The following RBFOX1 variants were observed in gnomAD, a reference collection of about 807,000 sequenced individuals.
RBFOX1 encodes RNA binding protein fox-1 homolog 1.
Under a neutral mutation model 57.7 loss-of-function variants are expected in RBFOX1, and 8 were observed. The observed-to-expected ratio is 0.14, with a 90% CI of 0.08 to 0.25. The LOEUF (loss-of-function observed/expected upper bound fraction) is 0.25, where lower values mean the gene tolerates loss of function less well. Among genes scored for constraint, RBFOX1 ranks in the 10% least tolerant of loss-of-function variants. The pLI is 1.00. For synonymous variants in RBFOX1, 326 were observed against 222.4 expected (o/e 1.47, Z -4.15); for missense variants, 611 against 548.5 (o/e 1.11, Z -1.14).
chr16:5,324,790 A>G (rs1465806176), intron 1 of RBFOX1, among the ~76,000 whole-genome samples: 6 of 152,192 alleles, frequency 3.9e-5, no homozygotes, highest in African/African-American at 1.2e-4. Context: ...AACAACTGAC[A>G]TTGGGGCCTC....
At chr16:6,487,480 T>G (rs2095510464) in intron 2 of RBFOX1, among the ~76,000 whole-genome samples, 1 of 151,528 alleles carries the variant, frequency 6.6e-6, no homozygotes, top group Non-Finnish European at 1.5e-5. Flanking sequence ...AATTTTGTGC[T>G]TGCAAGTTCT....
chr16:5,775,722 C>G (rs886217641), intron 3 of RBFOX1, among the ~76,000 whole-genome samples: 2 of 152,184 alleles, frequency 1.3e-5, no homozygotes, highest in South Asian at 2.1e-4. Context: ...TTAGAGCCTG[C>G]TAACTTGTTG....
intron 3 of RBFOX1, among the ~76,000 whole-genome samples, chr16:7,008,582 G>C (rs1340032433): frequency 2.0e-5 from 3 of 151,126 alleles, no homozygotes; most frequent in Non-Finnish European, 4.4e-5. Context: ...AATAATTCAA[G>C]AAATTCAAGG....
At chr16:5,895,503 C>G in intron 4 of RBFOX1, among the ~76,000 whole-genome samples, 2 of 152,204 alleles carry the variant, frequency 1.3e-5, no homozygotes, top group East Asian at 3.8e-4. Context: ...CCAGAGGACT[C>G]TGCGTTTTCA....
At chr16:5,254,543 G>C (rs1045910028) in intron 1 of RBFOX1, among the ~76,000 whole-genome samples, 1 of 152,140 alleles carries the variant, frequency 6.6e-6, no homozygotes, top group Non-Finnish European at 1.5e-5. Context: ...CCGATCTTCA[G>C]CTTCAGTTAT....
intron 3 of RBFOX1, among the ~76,000 whole-genome samples, chr16:6,844,283 C>G (rs2093644164): frequency 6.6e-6 from 1 of 152,004 alleles, no homozygotes; most frequent in African/African-American, 2.4e-5. Flanking sequence ...CAGTTTGCTG[C>G]ACAGGTCATC....
intron 3 of RBFOX1, among the ~76,000 whole-genome samples, chr16:5,635,447 AG>A (rs1459617397): frequency 1.3e-5 from 2 of 152,248 alleles, no homozygotes; most frequent in African/African-American, 4.8e-5. Context: ...AAAGTTAAAG[AG>A]AATGAAACTA....
In RBFOX1 at chr16:6,639,899, A is replaced by C. The variant is rs1166848604; in HGVS notation, c.-63-14704A>C. The stretch of plus-strand genomic sequence containing the variant: ...GTCTCAAAAACAAAAAACAAAAAAC[A>C]AAACCAAAAAAACAAGATTACAGTT... On this transcript the variant is annotated intron_variant, in intron 2 of 15. Transcript: ENST00000550418. Among the ~76,000 whole-genome samples, 8 of 152,078 alleles carry C rather than the reference A, an allele frequency of 5.3e-5. No homozygotes were observed. In the South Asian group the frequency reaches 1.5e-3, roughly 28 times the overall value.
chr16:5,252,193 A>C (rs1245483861), intron 1 of RBFOX1, among the ~76,000 whole-genome samples: 1 of 152,202 alleles, frequency 6.6e-6, no homozygotes, highest in African/African-American at 2.4e-5. Flanking sequence ...TTGACTCTCT[A>C]AGGCATATGG....
chr16:6,850,268 GTAAA>G (rs1034709906), intron 3 of RBFOX1, among the ~76,000 whole-genome samples: 3 of 152,082 alleles, frequency 2.0e-5, no homozygotes, highest in Non-Finnish European at 4.4e-5. Context: ...AAAAATAAAA[GTAAA>G]TAAATAATTG....
At chr16:5,955,351 TAAATAAAAATAAAATAAAATA>T (rs2059612420) in intron 4 of RBFOX1, among the ~76,000 whole-genome samples, 15 of 78,926 alleles carry the variant, frequency 1.9e-4, no homozygotes, top group African/African-American at 8.9e-4. Context: ...TAAAATAAAA[TAAATAAAAATAAAATAAAATA>T]AAATAAAATA....
chr16:7,532,451 C>T (rs556676467), intron 5 of RBFOX1, among the ~76,000 whole-genome samples: 1 of 152,276 alleles, frequency 6.6e-6, no homozygotes, highest in East Asian at 1.9e-4. Flanking sequence ...TCTTTTGAGA[C>T]ATTGAAGCTC....
intron 3 of RBFOX1, among the ~76,000 whole-genome samples, chr16:5,852,611 C>A (rs2056924811): frequency 6.6e-6 from 1 of 152,098 alleles, no homozygotes; most frequent in African/African-American, 2.4e-5. Flanking sequence ...CCTGATCAAC[C>A]AATGCTTGAT....
chr16:6,837,483 C>T (rs1280701630), intron 3 of RBFOX1, among the ~76,000 whole-genome samples: 1 of 152,166 alleles, frequency 6.6e-6, no homozygotes, highest in Non-Finnish European at 1.5e-5. Flanking sequence ...GAGAACTAGA[C>T]ATGGATGAAC....
intron 3 of RBFOX1, among the ~76,000 whole-genome samples, chr16:6,763,063 A>G (rs2076851547): frequency 1.3e-5 from 2 of 152,188 alleles, no homozygotes; most frequent in African/African-American, 2.4e-5. Context: ...AAGGTCCTAC[A>G]ATATATCAGG....
At chr16:5,758,235 C>A (rs1387316807) in intron 3 of RBFOX1, among the ~76,000 whole-genome samples, 3 of 152,192 alleles carry the variant, frequency 2.0e-5, no homozygotes, top group Non-Finnish European at 4.4e-5. Context: ...CTCGATTCTT[C>A]ACTTTCTTCA....
intron 1 of RBFOX1, among the ~76,000 whole-genome samples, chr16:5,281,836 T>C (rs2063278380): frequency 6.6e-6 from 1 of 152,260 alleles, no homozygotes; most frequent in Admixed American, 6.5e-5. Context: ...AGTGAGTTTC[T>C]TGTAGATGTT....
At chr16:5,601,638 C>T (rs193193890), downstream of RBFOX1, 22 of 152,310 alleles carry the variant, frequency 1.4e-4, no homozygotes, top group African/African-American at 5.3e-4. Flanking sequence ...CAGTTCCACC[C>T]AGGATGCTTG....
At chr16:7,022,097 G>A (rs1386144845) in intron 3 of RBFOX1, among the ~76,000 whole-genome samples, 2 of 122,676 alleles carry the variant, frequency 1.6e-5, no homozygotes, top group South Asian at 5.8e-4. Context: ...GGGTCTCACT[G>A]TGTCACCCAG....
Sources: allele counts gnomAD v4.1 joint callset (sites outside exome capture counted in the v4.1 genomes callset), GRCh38; gene constraint gnomAD v4.1.1; transcripts MANE v1.5; gene names NCBI Gene and HGNC (gene_info 2026-07-23, HGNC 2026-07-21).